The following PLXDC2 variants were observed in gnomAD, a reference collection of about 807,000 sequenced individuals.
PLXDC2 encodes the protein plexin domain-containing protein 2.
PLXDC2 carries 40 observed loss-of-function variants against 68.9 expected under a neutral mutation model. That is an observed-to-expected ratio of 0.58 (90% CI 0.45 to 0.76). The LOEUF (loss-of-function observed/expected upper bound fraction) is 0.76, where lower values mean the gene tolerates loss of function less well. PLXDC2 is among the 30% of genes least tolerant of loss of function. PLXDC2 has a pLI of 0.00. For synonymous variants in PLXDC2, 243 were observed against 234.2 expected, an observed-to-expected ratio of 1.04 and a Z score of -0.34; for missense variants, 644 against 661.9, an observed-to-expected ratio of 0.97 and a Z score of 0.30.
chr10:20,172,759 T>C (rs1270424298), intron 7 of PLXDC2, among the ~76,000 whole-genome samples: 1 of 152,206 alleles, frequency 6.6e-6, no homozygotes. Flanking sequence ...ATTTCCTTCA[T>C]GCTTACTCAA....
intron 7 of PLXDC2, among the ~76,000 whole-genome samples, chr10:20,169,773 G>A (rs1409425267): frequency 2.6e-5 from 4 of 152,112 alleles, no homozygotes; most frequent in East Asian, 1.9e-4. Flanking sequence ...AGAAAGTTAC[G>A]TTAACACTCC....
At chr10:19,999,309 T>C (rs1156258033) in intron 1 of PLXDC2, among the ~76,000 whole-genome samples, 1 of 151,994 alleles carries the variant, frequency 6.6e-6, no homozygotes, top group African/African-American at 2.4e-5. Context: ...GTAACACTTA[T>C]TTAAAAGAAA....
chr10:20,037,234 A>G (rs1339149830), intron 2 of PLXDC2, among the ~76,000 whole-genome samples: 1 of 152,202 alleles, frequency 6.6e-6, no homozygotes, highest in African/African-American at 2.4e-5. Context: ...AATCTCATAC[A>G]TATTCTAAAC....
At chr10:20,259,315 G>GATT (rs1835782127) in intron 13 of PLXDC2, among the ~76,000 whole-genome samples, 1 of 152,166 alleles carries the variant, frequency 6.6e-6, no homozygotes, top group African/African-American at 2.4e-5. Context: ...TGAGGAAAGT[G>GATT]ATTTAACAGT....
At chr10:19,980,325 C>G (rs943392412) in intron 1 of PLXDC2, among the ~76,000 whole-genome samples, 3 of 152,168 alleles carry the variant, frequency 2.0e-5, no homozygotes, top group African/African-American at 7.2e-5. Flanking sequence ...CTCCCAGAAA[C>G]TAATTAACTG....
chr10:20,247,691 G>A (rs930890602), intron 13 of PLXDC2, among the ~76,000 whole-genome samples: 3 of 152,116 alleles, frequency 2.0e-5, no homozygotes, highest in Non-Finnish European at 4.4e-5. Flanking sequence ...TCCAGTATGC[G>A]CATGATTTAT....
At chr10:20,229,615 T>G (rs1273103823) in intron 12 of PLXDC2, among the ~76,000 whole-genome samples, 1 of 152,050 alleles carries the variant, frequency 6.6e-6, no homozygotes, top group Non-Finnish European at 1.5e-5. Flanking sequence ...GAGAGTAGTT[T>G]AATCCATTAG....
chr10:20,110,630 T>A (rs907630155), intron 4 of PLXDC2, among the ~76,000 whole-genome samples: 2 of 152,158 alleles, frequency 1.3e-5, no homozygotes, highest in Non-Finnish European at 2.9e-5. Flanking sequence ...GGCTCGGCTC[T>A]GAACGCCGGT....
chr10:19,902,045 C>T (rs921843072), intron 1 of PLXDC2, among the ~76,000 whole-genome samples: 2 of 152,152 alleles, frequency 1.3e-5, no homozygotes, highest in African/African-American at 4.8e-5. Flanking sequence ...TATTTTTACA[C>T]CAGTACCATG....
chr10:20,120,226 C>G (rs1299965997), intron 4 of PLXDC2, among the ~76,000 whole-genome samples: 1 of 151,872 alleles, frequency 6.6e-6, no homozygotes, highest in Non-Finnish European at 1.5e-5. Flanking sequence ...AGACTGGGGC[C>G]TAATAAAAAG....
chr10:19,853,652 T>TG (rs10563076), intron 1 of PLXDC2, among the ~76,000 whole-genome samples: 5,158 of 127,920 alleles, frequency 0.04, 117 homozygotes, highest in South Asian at 0.079. Flanking sequence ...CTGCTTTGGG[T>TG]GGGGGGGGGG....
chr10:19,841,977 C>T (rs1836918540), intron 1 of PLXDC2, among the ~76,000 whole-genome samples: 1 of 152,070 alleles, frequency 6.6e-6, no homozygotes, highest in Non-Finnish European at 1.5e-5. Context: ...TCATGCCCCA[C>T]ATTAAAAACC....
At chr10:19,971,730 T>A (rs1834357259) in intron 1 of PLXDC2, among the ~76,000 whole-genome samples, 1 of 152,180 alleles carries the variant, frequency 6.6e-6, no homozygotes, top group Admixed American at 6.5e-5. Flanking sequence ...TTTATTAAAC[T>A]CCTTTTTTAT....
At chr10:20,003,634 G>C (rs934059089) in intron 2 of PLXDC2, among the ~76,000 whole-genome samples, 4 of 152,246 alleles carry the variant, frequency 2.6e-5, no homozygotes, top group Admixed American at 6.5e-5. Flanking sequence ...GTTTCACCAT[G>C]TTGGCCAGGC....
At chr10:20,000,083 C>T (rs1834908909) in intron 1 of PLXDC2, among the ~76,000 whole-genome samples, 1 of 152,126 alleles carries the variant, frequency 6.6e-6, no homozygotes, top group Non-Finnish European at 1.5e-5. Context: ...ACAATTCATT[C>T]GTCCACTCAT....
chr10:19,926,705 C>T (rs777468168), intron 1 of PLXDC2, among the ~76,000 whole-genome samples: 3 of 152,094 alleles, frequency 2.0e-5, no homozygotes, highest in Non-Finnish European at 4.4e-5. Flanking sequence ...CCAGTTTCAA[C>T]GGTGCCTTGG....
chr10:20,076,371 C>T (rs1011370758), intron 4 of PLXDC2, among the ~76,000 whole-genome samples: 1 of 152,194 alleles, frequency 6.6e-6, no homozygotes, highest in South Asian at 2.1e-4. Context: ...GCAATCGTAA[C>T]TGTATGATCT....
intron 1 of PLXDC2, among the ~76,000 whole-genome samples, chr10:19,866,342 C>G (rs73601621): frequency 6.6e-6 from 1 of 152,144 alleles, no homozygotes; most frequent in African/African-American, 2.4e-5. Context: ...TAGAGCTCAT[C>G]TACATCCCTT....
Position 20,105,769 on chromosome 10 carries a change from C to T in PLXDC2, c.542-37526C>T, listed in dbSNP as rs145729336. Among the ~76,000 whole-genome samples the T allele has an allele frequency of 2.4e-3, 371 of 152,274 alleles. 3 individuals are homozygous for T. Among genetic ancestry groups the T allele is most frequent in the African/African-American group, 7.9e-3 (328 of 41,566 alleles). The stretch of plus-strand genomic sequence containing the variant: ...ATCCTCATTAAGAACCTTCTAGTGA[C>T]GGGCCTGGTGCCTTGTGAGATCATC... On this transcript the variant is annotated intron_variant, in intron 4 of 13. Coordinates refer to ENST00000377252, the MANE Select transcript of PLXDC2 (RefSeq NM_032812.9).
Sources: allele counts gnomAD v4.1 joint callset (sites outside exome capture counted in the v4.1 genomes callset), GRCh38; gene constraint gnomAD v4.1.1; transcripts MANE v1.5; gene names NCBI Gene and HGNC (gene_info 2026-07-23, HGNC 2026-07-21).